C4orf50: variants seen among roughly 807,000 people sequenced by gnomAD.
The protein encoded by C4orf50 is chromosome 4 open reading frame 50.
In C4orf50, 80 loss-of-function variants were observed where a neutral mutation model predicts 77.2. That is an observed-to-expected ratio of 1.04 (90% confidence interval 0.87 to 1.25). The LOEUF is 1.25. Ranked by LOEUF, C4orf50 falls within the 50% of genes most tolerant of loss-of-function variation. C4orf50 has a pLI of 0.00. For synonymous variants in C4orf50, 532 were observed against 465.3 expected (o/e 1.14, Z -1.84); for missense variants, 1,257 against 1,152.9 (o/e 1.09, Z -1.31).
chr4:5,906,743 A>G (rs923236650), intron 7 of C4orf50, among the ~76,000 whole-genome samples: 14 of 152,170 alleles, frequency 9.2e-5, no homozygotes, highest in Non-Finnish European at 1.5e-5. Flanking sequence ...CAACCTACTC[A>G]GGGCATTGTT....
chr4:5,949,429 A>G (rs1047676614), intron 7 of C4orf50, among the ~76,000 whole-genome samples: 2 of 152,206 alleles, frequency 1.3e-5, no homozygotes, highest in Non-Finnish European at 2.9e-5. Context: ...AAGTGAAACA[A>G]GCCAGTTGCT....
intron 28 of C4orf50, among the ~76,000 whole-genome samples, chr4:5,986,730 G>C (rs953298234): frequency 1.3e-5 from 2 of 151,842 alleles, no homozygotes; most frequent in African/African-American, 2.4e-5. Context: ...GTAGAGATGG[G>C]GTTTCACCAT....
intron 7 of C4orf50, among the ~76,000 whole-genome samples, chr4:5,912,982 C>G (rs1716874033): frequency 6.6e-6 from 1 of 152,220 alleles, no homozygotes; most frequent in Non-Finnish European, 1.5e-5. Flanking sequence ...GAAAGGCGTG[C>G]TCACAGGGGA....
At chr4:5,938,826 T>C (rs1290993286) in intron 7 of C4orf50, among the ~76,000 whole-genome samples, 1 of 152,062 alleles carries the variant, frequency 6.6e-6, no homozygotes, top group Non-Finnish European at 1.5e-5. Context: ...AGACAAATGA[T>C]GTGTCTTTTC....
intron 25 of C4orf50, among the ~76,000 whole-genome samples, chr4:6,006,646 T>C (rs1467218751): frequency 6.6e-6 from 1 of 152,236 alleles, no homozygotes; most frequent in Non-Finnish European, 1.5e-5. Flanking sequence ...TGTAAGCTTT[T>C]ACCCTCCCCT....
chr4:5,966,719 G>A (rs930840412), intron 32 of C4orf50, among the ~76,000 whole-genome samples: 17 of 149,608 alleles, frequency 1.1e-4, no homozygotes, highest in Non-Finnish European at 1.8e-4. Context: ...GTGTTATCTC[G>A]GTTCACTGCA....
exon 28 of C4orf50, chr4:5,988,818 T>C (rs1164944001): frequency 2.0e-6 from 3 of 1,536,120 alleles, no homozygotes; most frequent in Non-Finnish European, 1.7e-6. Flanking sequence ...CTTCTATTCC[T>C]AGCACGATAT....
At chr4:5,922,009 C>G (rs1337673255) in intron 7 of C4orf50, among the ~76,000 whole-genome samples, 1 of 152,106 alleles carries the variant, frequency 6.6e-6, no homozygotes, top group Non-Finnish European at 1.5e-5. Flanking sequence ...AACAGCAGCC[C>G]CCTGCTCTGC....
intron 25 of C4orf50, among the ~76,000 whole-genome samples, chr4:6,002,163 G>A (rs1459418715): frequency 2.6e-5 from 4 of 152,198 alleles, no homozygotes; most frequent in Non-Finnish European, 5.9e-5. Flanking sequence ...AAGATCTGGT[G>A]TCCAGATAAG....
chr4:5,953,023 G>A (rs1011447819), downstream of C4orf50, among the ~76,000 whole-genome samples: 4 of 152,236 alleles, frequency 2.6e-5, no homozygotes, highest in African/African-American at 7.2e-5. Context: ...TCGGGTGGCT[G>A]CTTCTGGTCT....
chr4:5,942,202 T>C (rs769770462), intron 7 of C4orf50, among the ~76,000 whole-genome samples: 2 of 152,112 alleles, frequency 1.3e-5, no homozygotes, highest in Non-Finnish European at 2.9e-5. Context: ...CAACCCCAGG[T>C]AGCAGTAACA....
chr4:6,012,505 G>T (rs948254178), intron 23 of C4orf50, among the ~76,000 whole-genome samples: 1 of 152,122 alleles, frequency 6.6e-6, no homozygotes, highest in Non-Finnish European at 1.5e-5. Flanking sequence ...CTAAGGAAAT[G>T]ATTGAAATTC....
chr4:5,905,270 A>G lies in C4orf50; in HGVS notation c.*2475-7082T>C, dbSNP rs568782472. 2 of 152,348 alleles carry G rather than the reference A, an allele frequency of 1.3e-5. No homozygotes were observed. The highest frequency in any genetic ancestry group is 4.1e-4 in the South Asian group (2 of 4,820). 9.4% of individuals were successfully genotyped at this position (152,348 alleles called of 1,614,324 possible). A position where few individuals can be genotyped will look rare whatever the true frequency, so the allele number is the denominator to read the frequency against. ...CCATCTCTTGGGTCCCCAGGTTGGT[A>G]TCATACAGAGTAGAAGTATTCCCTA... On this transcript the variant is annotated intron_variant, in intron 7 of 7. Transcript: ENST00000324058. The surrounding 1 kb of genome is among the most constrained non-coding windows in gnomAD (Gnocchi z 5.4).
intron 7 of C4orf50, among the ~76,000 whole-genome samples, chr4:5,944,022 G>C (rs1718379534): frequency 6.6e-6 from 1 of 152,172 alleles, no homozygotes; most frequent in Admixed American, 6.5e-5. Context: ...CTCTTTGGGA[G>C]GCCTCTGGCA....
At chr4:5,920,344 T>C (rs12506310) in intron 7 of C4orf50, among the ~76,000 whole-genome samples, 62,689 of 151,842 alleles carry the variant, frequency 0.41, 15,862 homozygotes, top group East Asian at 0.81. Context: ...TTGGAGCTGG[T>C]TGCGATGATG....
At chr4:5,949,755 G>A (rs1265582551) in intron 7 of C4orf50, among the ~76,000 whole-genome samples, 2 of 152,222 alleles carry the variant, frequency 1.3e-5, no homozygotes, top group East Asian at 3.8e-4. Flanking sequence ...GGGAAGCCAA[G>A]GCAGGTGGAT....
chr4:5,925,752 C>A (rs980381075), intron 7 of C4orf50, among the ~76,000 whole-genome samples: 4 of 152,220 alleles, frequency 2.6e-5, no homozygotes, highest in Non-Finnish European at 5.9e-5. Context: ...AACACCTACA[C>A]CAGGGTTTGG....
At chr4:5,959,286 T>A (rs1344097822) in exon 34 of C4orf50, 3 of 1,439,014 alleles carry the variant, frequency 2.1e-6, no homozygotes, top group Non-Finnish European at 2.8e-6. Flanking sequence ...GGGCTCTGAT[T>A]GCTACCAATT....
intron 7 of C4orf50, among the ~76,000 whole-genome samples, chr4:5,917,085 G>C (rs979415347): frequency 4.6e-5 from 7 of 152,258 alleles, no homozygotes; most frequent in South Asian, 4.2e-4. Context: ...TACGCTACCA[G>C]AGGCCCCCAC....
Sources: gnomAD v4.1 joint callset for allele counts (sites outside exome capture counted in the v4.1 genomes callset) on GRCh38, gnomAD v4.1.1 for gene constraint, Gnocchi (gnomAD v3.1) non-coding constraint, MANE v1.5 for transcripts, NCBI Gene and HGNC (gene_info 2026-07-23, HGNC 2026-07-21) for gene names.